The following DDX10 variants were observed in gnomAD, a reference collection of about 807,000 sequenced individuals.
The protein encoded by DDX10 is probable ATP-dependent RNA helicase DDX10.
Under a neutral mutation model 104.3 loss-of-function variants are expected in DDX10, and 74 were observed. The observed-to-expected ratio is 0.71, with a 90% CI of 0.59 to 0.86. The LOEUF is 0.86. DDX10 is among the 40% of genes least tolerant of loss of function. The pLI is 0.00. For synonymous variants in DDX10, 351 were observed against 353.4 expected (o/e 0.99, Z 0.08); for missense variants, 952 against 1,040.0 (o/e 0.92, Z 1.16).
chr11:108,784,383 T>G (rs1861758741), intron 13 of DDX10, among the ~76,000 whole-genome samples: 1 of 152,122 alleles, frequency 6.6e-6, no homozygotes. Context: ...TTGATTTACA[T>G]TTTCTTTGCC....
At chr11:108,839,090 T>A (rs1235873577) in intron 14 of DDX10, among the ~76,000 whole-genome samples, 3 of 152,200 alleles carry the variant, frequency 2.0e-5, no homozygotes, top group East Asian at 3.8e-4. Context: ...ATACCCATAG[T>A]ATAGGGAAGG....
At chr11:108,682,444 C>G (rs528323950) in intron 6 of DDX10, among the ~76,000 whole-genome samples, 23 of 152,208 alleles carry the variant, frequency 1.5e-4, no homozygotes, top group Non-Finnish European at 3.2e-4. Flanking sequence ...CCTATAGCAA[C>G]TTTCTTTGAG....
At chr11:108,760,675 GTT>G (rs201234836) in intron 13 of DDX10, among the ~76,000 whole-genome samples, 12 of 129,674 alleles carry the variant, frequency 9.3e-5, no homozygotes, top group South Asian at 2.5e-4. Context: ...ACATAACACT[GTT>G]TTTTTTTTTT....
chr11:108,877,583 C>T (rs1184189775), intron 16 of DDX10, among the ~76,000 whole-genome samples: 6 of 152,100 alleles, frequency 3.9e-5, no homozygotes, highest in African/African-American at 1.4e-4. Flanking sequence ...AATAACAGAG[C>T]GATGTCGGTT....
In DDX10 at chr11:108,689,017, C is replaced by A; in HGVS notation, c.930C>A (p.Ser310Arg). 6.2e-7 allele frequency: 1 copy of A among 1,614,010 alleles called. No homozygotes were observed. Among genetic ancestry groups the A allele is most frequent in the Non-Finnish European group, 8.5e-7 (1 of 1,179,898 alleles). ...KISVLYSFLR[S>R]HLKKKSIVFF... ...GTGTGCTGTATTCCTTTTTGAGAAG[C>A]CATCTGAAGAAGAAGAGCATTGTAT... is the stretch of plus-strand genomic sequence containing the variant. Residue 310 changes from serine to arginine, a missense_variant, in exon 7 of 18, where the codon AGC becomes AGA. Physicochemically the swap from Ser to Arg is moderately radical, Grantham distance 110. This residue lies in a region of DDX10 where 412 missense variants were observed against 479.2 expected (regional missense o/e 0.86). Transcript: ENST00000322536.
intron 16 of DDX10, among the ~76,000 whole-genome samples, chr11:108,871,112 A>T (rs1281941798): frequency 6.6e-6 from 1 of 152,272 alleles, no homozygotes; most frequent in East Asian, 1.9e-4. Context: ...ATCTCTAATT[A>T]TACACTTTGT....
At chr11:108,901,575 G>A (rs79283218) in intron 16 of DDX10, among the ~76,000 whole-genome samples, 3,010 of 152,190 alleles carry the variant, frequency 0.02, 94 homozygotes, top group African/African-American at 0.068. Context: ...GTTGGAATGC[G>A]TCTATAAATA....
At chr11:108,844,751 G>A (rs993516511) in intron 15 of DDX10, among the ~76,000 whole-genome samples, 1 of 152,228 alleles carries the variant, frequency 6.6e-6, no homozygotes, top group South Asian at 2.1e-4. Context: ...GTAGGAGTGG[G>A]ACTTAGTGCC....
chr11:108,757,840 TATCGACTCTGTG>T (rs2094346284), intron 13 of DDX10, among the ~76,000 whole-genome samples: 1 of 152,112 alleles, frequency 6.6e-6, no homozygotes, highest in Admixed American at 6.6e-5. Flanking sequence ...CTGTTTTTAC[TATCGACTCTGTG>T]ATCGATCTCT....
chr11:108,803,179 C>T (rs1268712099), intron 13 of DDX10, among the ~76,000 whole-genome samples: 1 of 151,940 alleles, frequency 6.6e-6, no homozygotes, highest in Non-Finnish European at 1.5e-5. Flanking sequence ...ATATATCAGA[C>T]TTGATTCAAT....
chr11:108,916,679 A>T (rs1039427246), intron 16 of DDX10, among the ~76,000 whole-genome samples: 3 of 152,104 alleles, frequency 2.0e-5, no homozygotes, highest in Non-Finnish European at 2.9e-5. Context: ...AGAAACTGAA[A>T]TTTTTTTAGT....
chr11:108,748,532 T>C (rs2094334560), intron 13 of DDX10, among the ~76,000 whole-genome samples: 1 of 152,182 alleles, frequency 6.6e-6, no homozygotes, highest in Non-Finnish European at 1.5e-5. Context: ...GGTCATGAAA[T>C]AAGGGTTGAA....
At chr11:108,909,063 AGC>A (rs1482307415) in intron 16 of DDX10, among the ~76,000 whole-genome samples, 1 of 152,194 alleles carries the variant, frequency 6.6e-6, no homozygotes, top group East Asian at 1.9e-4. Context: ...GTCACCTTTC[AGC>A]ACTTGGCATT....
chr11:108,879,943 TA>T (rs1362613114), intron 16 of DDX10, among the ~76,000 whole-genome samples: 4 of 152,014 alleles, frequency 2.6e-5, no homozygotes, highest in Non-Finnish European at 5.9e-5. Flanking sequence ...GACATGATGT[TA>T]AAAAAAATTG....
chr11:108,940,444 C>T lies in DDX10; in HGVS notation c.*21C>T. Reference sequence around the variant, plus strand: ...GCTAAATACTTCCTGCGCCTGCCTTCTCCTTGAAACCTTGGTTATGACTGC... The same window carrying T: ...GCTAAATACTTCCTGCGCCTGCCTTTTCCTTGAAACCTTGGTTATGACTGC... On this transcript the variant is annotated 3_prime_UTR_variant, in exon 18 of 18. Coordinates refer to ENST00000322536, the MANE Select transcript of DDX10 (RefSeq NM_004398.4). The T allele has an allele frequency of 6.2e-7, 1 of 1,607,474 alleles. No homozygotes were observed. The highest frequency in any genetic ancestry group is 8.5e-7 in the Non-Finnish European group (1 of 1,177,234).
intron 13 of DDX10, among the ~76,000 whole-genome samples, chr11:108,833,389 C>G (rs1212264496): frequency 6.6e-6 from 1 of 152,256 alleles, no homozygotes; most frequent in South Asian, 2.1e-4. Flanking sequence ...ACCCCTCTTG[C>G]ACTGCTGCGT....
intron 13 of DDX10, among the ~76,000 whole-genome samples, chr11:108,764,610 A>G (rs1263750200): frequency 6.6e-6 from 1 of 152,218 alleles, no homozygotes; most frequent in Non-Finnish European, 1.5e-5. Flanking sequence ...CAGAGGCTAC[A>G]GTGAGCTGAG....
At chr11:108,780,180 T>C (rs2094376293) in intron 13 of DDX10, among the ~76,000 whole-genome samples, 1 of 152,186 alleles carries the variant, frequency 6.6e-6, no homozygotes, top group African/African-American at 2.4e-5. Flanking sequence ...AAAAATAAAA[T>C]GCCAATTTAT....
At chr11:108,862,849 T>G (rs1862959038) in intron 16 of DDX10, among the ~76,000 whole-genome samples, 2 of 152,222 alleles carry the variant, frequency 1.3e-5, no homozygotes, top group African/African-American at 2.4e-5. Context: ...TGGCATTTAT[T>G]TAGAATAAAG....
Sources: allele counts gnomAD v4.1 joint callset (sites outside exome capture counted in the v4.1 genomes callset), GRCh38; gene constraint gnomAD v4.1.1; regional missense constraint gnomAD v4.1.1; transcripts MANE v1.5; gene names NCBI Gene and HGNC (gene_info 2026-07-23, HGNC 2026-07-21).